Variants in GULP1 observed in about 807,000 individuals in gnomAD.
The protein encoded by GULP1 is PTB domain-containing engulfment adapter protein 1.
In GULP1, 19 loss-of-function variants were observed where a neutral mutation model predicts 40.9. The ratio of observed to expected loss-of-function variants is 0.46; its 90% CI spans 0.32 to 0.68. The LOEUF (loss-of-function observed/expected upper bound fraction) is 0.68. Among genes scored for constraint, GULP1 ranks in the 30% least tolerant of loss-of-function variants. The probability of loss-of-function intolerance (pLI) is 0.03; values close to 1 mark genes in which losing one functional copy is unlikely to be tolerated. For synonymous variants in GULP1, 119 were observed against 117.6 expected (o/e 1.01, Z -0.08); for missense variants, 312 against 362.2 (o/e 0.86, Z 1.12).
chr2:188,313,288 A>T (rs2038493579), intron 1 of GULP1, among the ~76,000 whole-genome samples: 2 of 152,152 alleles, frequency 1.3e-5, no homozygotes, highest in African/African-American at 2.4e-5. Flanking sequence ...TCTTGAGTTA[A>T]TTTTTGCATC....
chr2:188,408,535 C>T (rs892253853), intron 2 of GULP1, among the ~76,000 whole-genome samples: 2 of 151,832 alleles, frequency 1.3e-5, no homozygotes, highest in Non-Finnish European at 1.5e-5. Context: ...TATTAATAGA[C>T]CTGAAGAGAG....
At chr2:188,314,986 A>G (rs2038844780) in intron 1 of GULP1, among the ~76,000 whole-genome samples, 1 of 152,086 alleles carries the variant, frequency 6.6e-6, no homozygotes, top group Non-Finnish European at 1.5e-5. Context: ...TATTTTACTT[A>G]ATAATGGCAC....
intron 2 of GULP1, among the ~76,000 whole-genome samples, chr2:188,390,782 GT>G (rs1178209378): frequency 2.0e-5 from 3 of 151,640 alleles, no homozygotes; most frequent in Admixed American, 1.3e-4. Context: ...ATCTTGAGTT[GT>G]TTTTTTAAAA....
intron 2 of GULP1, among the ~76,000 whole-genome samples, chr2:188,473,877 G>A (rs1387750427): frequency 1.3e-5 from 2 of 152,130 alleles, no homozygotes; most frequent in Admixed American, 6.5e-5. Context: ...AGTTGGGAAT[G>A]TGCTGAGTCT....
At chr2:188,389,260 T>G (rs2050198759) in intron 2 of GULP1, among the ~76,000 whole-genome samples, 1 of 152,222 alleles carries the variant, frequency 6.6e-6, no homozygotes. Context: ...TCATAACATT[T>G]TAAAATTTCA....
intron 6 of GULP1, among the ~76,000 whole-genome samples, chr2:188,534,691 A>G (rs1265317505): frequency 6.6e-6 from 1 of 152,036 alleles, no homozygotes; most frequent in Non-Finnish European, 1.5e-5. Flanking sequence ...CAAAACAAAC[A>G]GGGAAAGGTA....
Position 188,458,597 on chromosome 2 carries a change from A to T in GULP1, c.-44-19062A>T, listed in dbSNP as rs533883944. 2.0e-4 allele frequency among the ~76,000 whole-genome samples: 31 copies of T among 152,268 alleles called. No individual in the cohort carries two copies. The South Asian group carries it at 6.2e-3, about 31-fold the overall frequency. On this transcript the variant is annotated intron_variant, in intron 2 of 11. Coordinates refer to ENST00000409830, the MANE Select transcript of GULP1 (RefSeq NM_016315.4). ...TTTATGGGGTACATGAAGTGTTTTA[A>T]TACAGACATGCAATGCATAATAATT...
intron 9 of GULP1, among the ~76,000 whole-genome samples, chr2:188,579,565 C>T (rs941931414): frequency 1.3e-5 from 2 of 152,002 alleles, no homozygotes; most frequent in Non-Finnish European, 2.9e-5. Flanking sequence ...TTAAAAGACC[C>T]ATGTGATCTA....
At chr2:188,339,478 C>T (rs932873555) in intron 1 of GULP1, among the ~76,000 whole-genome samples, 11 of 152,188 alleles carry the variant, frequency 7.2e-5, no homozygotes, top group Admixed American at 7.2e-4. Flanking sequence ...CTTGGTTTCC[C>T]CCTTTTGTTT....
chr2:188,295,714 T>G (rs1453126281), intron 1 of GULP1, among the ~76,000 whole-genome samples: 2 of 152,088 alleles, frequency 1.3e-5, no homozygotes, highest in Non-Finnish European at 2.9e-5. Flanking sequence ...ATAGCTTTTA[T>G]TTTTAGACTT....
intron 2 of GULP1, among the ~76,000 whole-genome samples, chr2:188,419,319 C>G (rs1274230350): frequency 6.6e-6 from 1 of 152,156 alleles, no homozygotes; most frequent in East Asian, 1.9e-4. Flanking sequence ...TTCCCATCAA[C>G]AGCTGTGTAA....
Position 188,379,668 on chromosome 2 carries a change from A to G in GULP1, c.-171-4095A>G, listed in dbSNP as rs190882671. Among the ~76,000 whole-genome samples, 39 of 152,304 alleles carry G rather than the reference A, an allele frequency of 2.6e-4. 1 individual carries two copies. Among genetic ancestry groups the G allele is most frequent in the Middle Eastern group, 3.4e-3 (1 of 294 alleles). The stretch of plus-strand genomic sequence containing the variant: ...GTTTAATCATACTTCCATCACCTTT[A>G]GGGTAAAATACAAATGTTATAACAT... On this transcript the variant is annotated intron_variant, in intron 1 of 11. Transcript: ENST00000409830.
chr2:188,415,278 G>C (rs145644543), intron 2 of GULP1, among the ~76,000 whole-genome samples: 2 of 151,984 alleles, frequency 1.3e-5, no homozygotes, highest in Non-Finnish European at 2.9e-5. Context: ...TAGAATGAAG[G>C]CTACTTTGGT....
chr2:188,447,955 A>G (rs1344263965), intron 2 of GULP1, among the ~76,000 whole-genome samples: 2 of 152,222 alleles, frequency 1.3e-5, no homozygotes, highest in Non-Finnish European at 2.9e-5. Flanking sequence ...AGTATCAGTA[A>G]TTGATACTTC....
At chr2:188,531,035 CA>C (rs1687414055) in intron 6 of GULP1, among the ~76,000 whole-genome samples, 1 of 152,178 alleles carries the variant, frequency 6.6e-6, no homozygotes, top group South Asian at 2.1e-4. Flanking sequence ...TCTAGTCCAG[CA>C]AGTGTCTTTG....
chr2:188,523,203 A>T (rs1685289645), intron 5 of GULP1, among the ~76,000 whole-genome samples: 1 of 152,196 alleles, frequency 6.6e-6, no homozygotes, highest in African/African-American at 2.4e-5. Flanking sequence ...GCTAAGATAT[A>T]ATATCCACCA....
chr2:188,324,390 C>G lies in GULP1; in HGVS notation c.-172+32224C>G, dbSNP rs548837071. 2.0e-5 allele frequency among the ~76,000 whole-genome samples: 3 copies of G among 151,978 alleles called. No homozygotes were observed. In the East Asian group the frequency reaches 5.8e-4, roughly 29 times the overall value. ...AATTGCTTAGTGAACATATAAAATG[C>G]CCATAAACTTTTCAATGCTCTATCT... On this transcript the variant is annotated intron_variant, in intron 1 of 11. Coordinates refer to ENST00000409830, the MANE Select transcript of GULP1 (RefSeq NM_016315.4).
intron 1 of GULP1, among the ~76,000 whole-genome samples, chr2:188,364,085 C>A (rs2046429510): frequency 6.6e-6 from 1 of 152,168 alleles, no homozygotes; most frequent in Non-Finnish European, 1.5e-5. Context: ...TTGCTGACCT[C>A]CCTCTGTGCT....
chr2:188,556,799 G>T (rs1694870152), intron 7 of GULP1, among the ~76,000 whole-genome samples: 2 of 152,170 alleles, frequency 1.3e-5, no homozygotes, highest in Admixed American at 1.3e-4. Flanking sequence ...ACTTTGGGAG[G>T]CCGAGGCGGG....
Sources: allele counts gnomAD v4.1 joint callset (sites outside exome capture counted in the v4.1 genomes callset), GRCh38; gene constraint gnomAD v4.1.1; transcripts MANE v1.5; gene names NCBI Gene and HGNC (gene_info 2026-07-23, HGNC 2026-07-21).